The following NFIA variants were observed in gnomAD, a reference collection of about 807,000 sequenced individuals.
The protein encoded by NFIA is nuclear factor I A, also known as nuclear factor 1 A-type.
NFIA carries 8 observed loss-of-function variants against 62.8 expected under a neutral mutation model. The ratio of observed to expected loss-of-function variants is 0.13; its 90% CI spans 0.07 to 0.23. The LOEUF (loss-of-function observed/expected upper bound fraction) is 0.23. Among genes scored for constraint, NFIA ranks in the 10% least tolerant of loss-of-function variants. The pLI, the probability that NFIA is intolerant of heterozygous loss-of-function variation, is 1.00. For missense variants in NFIA, 410 were observed against 642.1 expected (o/e 0.64, Z 3.91); for synonymous variants, 235 against 238.1 (o/e 0.99, Z 0.12).
chr1:61,150,515 T>A (rs1388678147), intron 2 of NFIA, among the ~76,000 whole-genome samples: 3 of 152,196 alleles, frequency 2.0e-5, no homozygotes, highest in African/African-American at 7.2e-5. Context: ...TAACTAGAAA[T>A]GCTTTGAATA....
At chr1:61,139,232 A>T (rs957586593) in intron 2 of NFIA, among the ~76,000 whole-genome samples, 3 of 152,174 alleles carry the variant, frequency 2.0e-5, no homozygotes, top group Non-Finnish European at 4.4e-5. Context: ...GTAAAACAGA[A>T]ATAATTCTTA....
chr1:61,286,302 C>T (rs1658492169), intron 3 of NFIA, among the ~76,000 whole-genome samples: 1 of 151,764 alleles, frequency 6.6e-6, no homozygotes, highest in African/African-American at 2.4e-5. Context: ...GTTGCAGGCG[C>T]CTGTAGTCCC....
At chr1:61,452,198 A>T (rs181328401) in intron 10 of NFIA, among the ~76,000 whole-genome samples, 16 of 152,196 alleles carry the variant, frequency 1.1e-4, no homozygotes, top group African/African-American at 3.6e-4. Context: ...ACTCATCCCA[A>T]TGGGATTATG....
chr1:61,419,976 G>T (rs1361076652), intron 9 of NFIA, among the ~76,000 whole-genome samples: 2 of 152,164 alleles, frequency 1.3e-5, no homozygotes, highest in Non-Finnish European at 2.9e-5. Flanking sequence ...TAGCTGTACA[G>T]ATGTGATCAG....
chr1:61,420,031 T>A (rs1328155748), intron 9 of NFIA, among the ~76,000 whole-genome samples: 1 of 152,222 alleles, frequency 6.6e-6, no homozygotes, highest in Non-Finnish European at 1.5e-5. Context: ...GCTAAACATC[T>A]GGATAAAAAC....
chr1:61,090,582 T>C (rs1329532826), intron 2 of NFIA, among the ~76,000 whole-genome samples: 1 of 152,192 alleles, frequency 6.6e-6, no homozygotes, highest in Non-Finnish European at 1.5e-5. Flanking sequence ...ACTAACACAG[T>C]TGTTGGTTGT....
chr1:61,102,391 A>G (rs1450436079), intron 2 of NFIA, among the ~76,000 whole-genome samples: 1 of 152,192 alleles, frequency 6.6e-6, no homozygotes, highest in Non-Finnish European at 1.5e-5. Context: ...GATTTTAGCA[A>G]TATTTGATGT....
At chr1:61,090,860 T>C (rs958636712) in intron 2 of NFIA, among the ~76,000 whole-genome samples, 18 of 152,358 alleles carry the variant, frequency 1.2e-4, no homozygotes, top group African/African-American at 4.1e-4. Context: ...AAGGGTCTTT[T>C]GTCTGAAAAT....
intron 6 of NFIA, among the ~76,000 whole-genome samples, chr1:61,370,313 G>A (rs575780459): frequency 5.9e-5 from 9 of 152,312 alleles, no homozygotes; most frequent in Admixed American, 3.3e-4. Flanking sequence ...GGAAGATTAC[G>A]AGAAATGCTC....
chr1:61,173,428 C>T (rs1425295335), intron 2 of NFIA, among the ~76,000 whole-genome samples: 3 of 152,076 alleles, frequency 2.0e-5, no homozygotes, highest in Admixed American at 6.5e-5. Context: ...CATTCTGTTG[C>T]CCACGCAGGA....
rs558253078 is a variant in NFIA at position 61,352,899 on chromosome 1, G to T, written c.818+332G>T. On this transcript the variant is annotated intron_variant, in intron 5 of 10. Transcript: ENST00000403491. ...CCAGCTCTAAATGTTGGTTAGGGTT[G>T]GTGAGATAGAAAGGAAAAGGAATGG... 2.3e-4 allele frequency among the ~76,000 whole-genome samples: 35 copies of T among 152,156 alleles called. No individual in the cohort carries two copies. In the South Asian group the frequency reaches 6.9e-3, roughly 30 times the overall value.
chr1:61,277,772 A>T (rs575669809), intron 3 of NFIA, among the ~76,000 whole-genome samples, 187 bp downstream of exon 3: 1 of 152,298 alleles, frequency 6.6e-6, no homozygotes, highest in Admixed American at 6.5e-5. Flanking sequence ...TCACCCCAGC[A>T]GCCTCAGGAC....
At chr1:61,317,920 C>G (rs536092276) in intron 3 of NFIA, among the ~76,000 whole-genome samples, 155 of 152,158 alleles carry the variant, frequency 1.0e-3, no homozygotes, top group Non-Finnish European at 1.8e-3. Context: ...TAAGTATAAT[C>G]ATTAGTGTCA....
chr1:61,098,288 A>T (rs1162942796), intron 2 of NFIA, among the ~76,000 whole-genome samples: 1 of 152,216 alleles, frequency 6.6e-6, no homozygotes, highest in African/African-American at 2.4e-5. Context: ...AGAACTAACG[A>T]TAAGTGGGTT....
chr1:61,382,952 C>T (rs1040152240), intron 6 of NFIA, among the ~76,000 whole-genome samples: 2 of 152,128 alleles, frequency 1.3e-5, no homozygotes, highest in African/African-American at 4.8e-5. Flanking sequence ...TTTTAGGAAA[C>T]ACTGGAAAAG....
At chr1:61,328,227 T>A (rs915201715) in intron 3 of NFIA, among the ~76,000 whole-genome samples, 3 of 152,076 alleles carry the variant, frequency 2.0e-5, no homozygotes, top group African/African-American at 7.2e-5. Context: ...ATTGGATTTG[T>A]CTCAGTGTCT....
At chr1:61,276,315 T>C (rs1292707403) in intron 2 of NFIA, among the ~76,000 whole-genome samples, 1 of 152,234 alleles carries the variant, frequency 6.6e-6, no homozygotes, top group African/African-American at 2.4e-5. Flanking sequence ...CACTTCTTTC[T>C]GCAGCATCTC....
intron 10 of NFIA, among the ~76,000 whole-genome samples, chr1:61,435,085 G>C (rs1369424355): frequency 6.6e-6 from 1 of 152,140 alleles, no homozygotes; most frequent in African/African-American, 2.4e-5. Context: ...TTTTAGGTGG[G>C]TCTCCATAAC....
At chr1:61,306,294 T>TTTA (rs748026405) in intron 3 of NFIA, among the ~76,000 whole-genome samples, 4 of 109,748 alleles carry the variant, frequency 3.6e-5, no homozygotes, top group African/African-American at 1.1e-4. Context: ...TTTTTTTTTT[T>TTTA]AAGACAGAGT....
Sources: gnomAD v4.1 joint callset for allele counts (sites outside exome capture counted in the v4.1 genomes callset) on GRCh38, gnomAD v4.1.1 for gene constraint, MANE v1.5 for transcripts, NCBI Gene and HGNC (gene_info 2026-07-23, HGNC 2026-07-21) for gene names.